Variants in TSPO observed in about 807,000 individuals in gnomAD.
The protein encoded by TSPO is translocator protein, also known as benzodiazepine peripheral binding site.
Under a neutral mutation model 13.9 loss-of-function variants are expected in TSPO, and 14 were observed. The observed-to-expected ratio is 1.01, with a 90% CI of 0.67 to 1.58. The LOEUF (loss-of-function observed/expected upper bound fraction) is 1.58, where lower values mean the gene tolerates loss of function less well. Among genes scored for constraint, TSPO ranks in the 40% most tolerant of loss-of-function variants. TSPO has a pLI of 0.00. For synonymous variants in TSPO, 114 were observed against 105.9 expected (o/e 1.08, Z -0.47); for missense variants, 232 against 229.6 (o/e 1.01, Z -0.07).
rs1417097535 is a variant in TSPO, at chr22:43,159,261, C to T, written c.23C>T (p.Ala8Val). 6.4e-7 allele frequency: 1 copy of T among 1,559,796 alleles called. No homozygotes were observed. Among genetic ancestry groups the T allele is most frequent in the South Asian group, 1.2e-5 (1 of 84,452 alleles). Reference protein sequence around the residue: MAPPWVPAMGFTLAPSLG... With the variant: MAPPWVPVMGFTLAPSLG... The stretch of plus-strand genomic sequence containing the variant: ...GCCATGGCCCCGCCCTGGGTGCCCG[C>T]CATGGGCTTCACGCTGGCGCCCAGC... Residue 8 changes from alanine to valine, a missense_variant, in exon 2 of 4, where the codon GCC (alanine) becomes GTC (valine). Physicochemically the swap from Ala to Val is moderately conservative, Grantham distance 64. Transcript: ENST00000337554.
chr22:43,155,131 G>C (rs1931211130), intron 1 of TSPO, among the ~76,000 whole-genome samples: 1 of 152,066 alleles, frequency 6.6e-6, no homozygotes, highest in Admixed American at 6.5e-5. Flanking sequence ...GGTGGGGTGG[G>C]TTTTGGAGTC....
At chr22:43,159,515 C>G (rs1485271806) in intron 2 of TSPO, 95 bp downstream of exon 2, 11 of 1,256,852 alleles carry the variant, frequency 8.8e-6, no homozygotes, top group Non-Finnish European at 9.2e-6. Flanking sequence ...GGGCCATGGA[C>G]CATGGCATGG....
intron 1 of TSPO, 41 bp from the exon 2 acceptor site, chr22:43,159,169 G>A (rs943162283): frequency 7.1e-7 from 1 of 1,408,960 alleles, no homozygotes; most frequent in Non-Finnish European, 9.4e-7. Context: ...TGACCCCATG[G>A]CCTCAGGAAT....
intron 1 of TSPO, among the ~76,000 whole-genome samples, chr22:43,158,714 A>C (rs569825816): frequency 6.6e-6 from 1 of 152,324 alleles, no homozygotes; most frequent in East Asian, 1.9e-4. Context: ...CGAGGGGGAA[A>C]CTGAGGCCCT....
intron 1 of TSPO, among the ~76,000 whole-genome samples, chr22:43,155,823 T>C (rs569513096): frequency 1.3e-5 from 2 of 152,338 alleles, no homozygotes; most frequent in African/African-American, 4.8e-5. Flanking sequence ...TGCCTGAGCC[T>C]GAGTCCTGTC....
At chr22:43,160,320 T>A (rs1001879141) in intron 2 of TSPO, among the ~76,000 whole-genome samples, 9 of 152,186 alleles carry the variant, frequency 5.9e-5, no homozygotes, top group African/African-American at 2.2e-4. Flanking sequence ...GAACCCCTCA[T>A]TAGTAGGTGA....
chr22:43,155,435 CCT>C (rs1454660130), intron 1 of TSPO, among the ~76,000 whole-genome samples: 8 of 152,326 alleles, frequency 5.3e-5, no homozygotes, highest in East Asian at 1.9e-4. Context: ...CGATCTTGCC[CCT>C]GTTTTGGGGG....
intron 2 of TSPO, chr22:43,159,702 T>G: frequency 2.6e-6 from 1 of 381,170 alleles, no homozygotes; most frequent in East Asian, 3.9e-5. Flanking sequence ...AAGGTTGGTC[T>G]TGGGCAGAGG....
intron 1 of TSPO, among the ~76,000 whole-genome samples, chr22:43,157,688 G>A (rs565966125): frequency 4.1e-4 from 62 of 152,226 alleles, no homozygotes; most frequent in African/African-American, 1.4e-3. Context: ...AAATTAGCCC[G>A]GCATGGTGGC....
In TSPO at chr22:43,163,132, G is replaced by T; in HGVS notation, c.*141G>T. On this transcript the variant is annotated 3_prime_UTR_variant, in exon 4 of 4. Transcript: ENST00000337554. The stretch of plus-strand genomic sequence containing the variant: ...AGGGGTCAGCAGAGCTTCAGAGGTG[G>T]CCCCACCTGAGCCCCCACCCGGGAG... The T allele has an allele frequency of 6.8e-7, 1 of 1,476,834 alleles. No individual in the cohort carries two copies. Among genetic ancestry groups the T allele is most frequent in the Non-Finnish European group, 9.0e-7 (1 of 1,114,824 alleles). 91.5% of individuals were successfully genotyped at this position (1,476,834 alleles called of 1,614,324 possible). A position where few individuals can be genotyped will look rare whatever the true frequency, so the allele number is the denominator to read the frequency against.
At chr22:43,157,007 A>G (rs1190543599) in intron 1 of TSPO, among the ~76,000 whole-genome samples, 1 of 152,178 alleles carries the variant, frequency 6.6e-6, no homozygotes, top group Non-Finnish European at 1.5e-5. Flanking sequence ...GGACTCACGC[A>G]GGCTCCAGCA....
In TSPO at chr22:43,153,948, C is replaced by T. The variant is rs181794254; in HGVS notation, c.-30+2344C>T. Among the ~76,000 whole-genome samples the T allele has an allele frequency of 6.6e-5, 10 of 151,988 alleles. No individual in the cohort carries two copies. In the East Asian group the frequency reaches 9.7e-4, roughly 15 times the overall value. The stretch of plus-strand genomic sequence containing the variant: ...TTAGTAGAGATGGGTTTCACCATGT[C>T]GGCCAGGCTGTTTCTTTATTTTTTA... On this transcript the variant is annotated intron_variant, in intron 1 of 3. Coordinates refer to ENST00000337554, the MANE Select transcript of TSPO (RefSeq NM_000714.6).
At position 43,162,988 on chromosome 22, in the gene TSPO, G is replaced by A. The variant is rs1445864476; in HGVS notation, c.507G>A (p.Glu169=). The A allele has an allele frequency of 5.7e-6, 9 of 1,581,634 alleles. No homozygotes were observed. Among genetic ancestry groups the A allele is most frequent in the Non-Finnish European group, 6.9e-6 (8 of 1,164,712 alleles). The change falls in exon 4 of 4, where the codon GAG becomes GAA. Residue 169 remains glutamate, a synonymous_variant. Transcript: ENST00000337554. ...GGCGTGGGGGACGGCGGCTGCCAGA[G>A]TGAGTGCCCGGCCCACCAGGGACTG... ...HGWRGGRRLP[E]
intron 1 of TSPO, among the ~76,000 whole-genome samples, chr22:43,157,446 A>G (rs1262181956): frequency 6.6e-6 from 1 of 152,130 alleles, no homozygotes; most frequent in East Asian, 1.9e-4. Context: ...AACTGTCCCC[A>G]TTCAACAGGC....
In TSPO at chr22:43,163,222, TAA is replaced by T; in HGVS notation, c.*233_*234del. On this transcript the variant is annotated 3_prime_UTR_variant, in exon 4 of 4. Coordinates refer to ENST00000337554, the MANE Select transcript of TSPO (RefSeq NM_000714.6). ...GGAACATGGAATTTTATAAGCTGAA[TAA>T]AGTTTTTGACTTCCTTTACCATGGC... The T allele has an allele frequency of 7.4e-7, 1 of 1,349,192 alleles. No individual in the cohort carries two copies. The highest frequency in any genetic ancestry group is 9.7e-7 in the Non-Finnish European group (1 of 1,026,864). 83.6% of individuals were successfully genotyped at this position (1,349,192 alleles called of 1,614,324 possible). A position where few individuals can be genotyped will look rare whatever the true frequency, so the allele number is the denominator to read the frequency against.
chr22:43,152,835 G>A (rs1301989238), intron 1 of TSPO, among the ~76,000 whole-genome samples: 1 of 152,232 alleles, frequency 6.6e-6, no homozygotes, highest in Admixed American at 6.5e-5. Flanking sequence ...GGGAGTGTGT[G>A]TGTGCACATG....
chr22:43,162,682 TG>T, intron 3 of TSPO, 120 bp from the exon 4 acceptor site: 1 of 998,282 alleles, frequency 1.0e-6, no homozygotes. Context: ...CACTCAAGGG[TG>T]GAGTGGGGGT....
In TSPO at chr22:43,159,242, G is replaced by C; in HGVS notation, c.4G>C (p.Ala2Pro). The change falls in exon 2 of 4, where the codon GCC (alanine) becomes CCC (proline). Residue 2 changes from alanine to proline, a missense_variant. By Grantham distance (27) the Ala-to-Pro change is conservative. Coordinates refer to ENST00000337554, the MANE Select transcript of TSPO (RefSeq NM_000714.6). The part of the protein sequence containing the change: M[A>P]PPWVPAMGFT... ...CTGAACAGCAGCTGCAGCAGCCATG[G>C]CCCCGCCCTGGGTGCCCGCCATGGG... 1 of 1,550,158 alleles carries C rather than the reference G, an allele frequency of 6.5e-7. No homozygotes were observed. The highest frequency in any genetic ancestry group is 8.7e-7 in the Non-Finnish European group (1 of 1,147,780).
intron 1 of TSPO, among the ~76,000 whole-genome samples, chr22:43,158,488 G>A (rs1184345369): frequency 1.3e-5 from 2 of 152,164 alleles, no homozygotes; most frequent in Non-Finnish European, 2.9e-5. Context: ...GTTTTTGGAT[G>A]AGGTCAGGGT....
Sources: gnomAD v4.1 joint callset for allele counts (sites outside exome capture counted in the v4.1 genomes callset) on GRCh38, gnomAD v4.1.1 for gene constraint, MANE v1.5 for transcripts, NCBI Gene and HGNC (gene_info 2026-07-23, HGNC 2026-07-21) for gene names.